Variants in CNKSR2 observed in about 807,000 individuals in gnomAD.
CNKSR2 encodes connector enhancer of kinase suppressor of Ras 2.
A neutral mutation model predicts 84.4 loss-of-function variants in CNKSR2; 14 were observed. That is an observed-to-expected ratio of 0.17 (90% CI 0.11 to 0.26). CNKSR2 has a LOEUF of 0.26. Among genes scored for constraint, CNKSR2 ranks in the 10% least tolerant of loss-of-function variants. The pLI, the probability that CNKSR2 is intolerant of heterozygous loss-of-function variation, is 1.00. For missense variants in CNKSR2, 485 were observed against 771.2 expected (o/e 0.63, Z 4.40); for synonymous variants, 275 against 277.9 (o/e 0.99, Z 0.10).
intron 1 of CNKSR2, among the ~76,000 whole-genome samples, chrX:21,392,928 G>A (rs766589396): frequency 1.8e-5 from 2 of 111,031 alleles, no homozygotes; most frequent in Admixed American, 9.6e-5. Context: ...CTTAATTCTT[G>A]TGCCTTTCTG....
At chrX:21,552,245 A>G (rs750524918) in intron 11 of CNKSR2, among the ~76,000 whole-genome samples, 1 of 111,756 alleles carries the variant, frequency 8.9e-6, no homozygotes, top group Non-Finnish European at 1.9e-5. Flanking sequence ...AAGATAGCCT[A>G]TGGAAGAAAG....
At chrX:21,398,974 C>G (rs1406842214) in intron 1 of CNKSR2, among the ~76,000 whole-genome samples, 2 of 109,761 alleles carry the variant, frequency 1.8e-5, no homozygotes, top group African/African-American at 3.3e-5. Context: ...GTTAACCACT[C>G]TCAACCTAGG....
At chrX:21,470,053 C>T (rs1035161038) in intron 4 of CNKSR2, among the ~76,000 whole-genome samples, 6 of 111,913 alleles carry the variant, frequency 5.4e-5, no homozygotes, top group Non-Finnish European at 9.4e-5. Context: ...CCAGTATGCC[C>T]GTTTTATAAA....
intron 7 of CNKSR2, among the ~76,000 whole-genome samples, chrX:21,501,145 A>G (rs979697325): frequency 1.8e-5 from 2 of 110,922 alleles, no homozygotes; most frequent in Non-Finnish European, 3.8e-5. Context: ...TACCCACTAG[A>G]GCCTAGGAGA....
At chrX:21,554,988 C>T (rs1198055927) in intron 11 of CNKSR2, among the ~76,000 whole-genome samples, 1 of 110,028 alleles carries the variant, frequency 9.1e-6, no homozygotes, top group East Asian at 2.8e-4. Context: ...TTTCCACAAC[C>T]TCACCAACAT....
intron 1 of CNKSR2, among the ~76,000 whole-genome samples, chrX:21,417,681 G>T (rs973366726): frequency 5.4e-5 from 6 of 111,243 alleles, no homozygotes; most frequent in African/African-American, 2.0e-4. Flanking sequence ...TATAGATTTT[G>T]TCTTGAAATC....
At chrX:21,429,081 T>C (rs1472787689) in intron 2 of CNKSR2, 5 of 112,289 alleles carry the variant, frequency 4.5e-5, no homozygotes, top group Non-Finnish European at 7.5e-5. Flanking sequence ...ACCTTATTTT[T>C]CTAAAATGTT....
At chrX:21,429,947 GATCA>G (rs1276556678) in intron 2 of CNKSR2, among the ~76,000 whole-genome samples, 1 of 111,450 alleles carries the variant, frequency 9.0e-6, no homozygotes, top group Non-Finnish European at 1.9e-5. Context: ...TAACTTGAGA[GATCA>G]ATTAATCTCT....
chrX:21,499,832 C>A (rs1174889171), intron 7 of CNKSR2, among the ~76,000 whole-genome samples: 1 of 110,278 alleles, frequency 9.1e-6, no homozygotes, highest in Admixed American at 9.7e-5. Context: ...TCTTTTAAAA[C>A]TAAAAATCTA....
At chrX:21,558,566 C>A (rs1357341734) in intron 11 of CNKSR2, among the ~76,000 whole-genome samples, 1 of 107,288 alleles carries the variant, frequency 9.3e-6, no homozygotes, top group Non-Finnish European at 1.9e-5. Context: ...AAAAAAAAGT[C>A]ACCCCCGGAA....
At chrX:21,443,231 A>G (rs1027752048) in intron 4 of CNKSR2, among the ~76,000 whole-genome samples, 1 of 111,801 alleles carries the variant, frequency 8.9e-6, no homozygotes, top group Non-Finnish European at 1.9e-5. Flanking sequence ...ATTTACAAAA[A>G]TGGGTAAGGA....
At chrX:21,447,189 G>C (rs2090866936) in intron 4 of CNKSR2, among the ~76,000 whole-genome samples, 1 of 111,218 alleles carries the variant, frequency 9.0e-6, no homozygotes, top group Admixed American at 9.6e-5. Context: ...CATTTTCACT[G>C]CATATAATAT....
intron 20 of CNKSR2, among the ~76,000 whole-genome samples, chrX:21,632,224 G>C (rs2092651149): frequency 9.0e-6 from 1 of 111,530 alleles, no homozygotes; most frequent in Admixed American, 9.5e-5. Flanking sequence ...AAATACAAAA[G>C]CTGCATTTGA....
chrX:21,469,688 A>G (rs1601829490), intron 4 of CNKSR2, among the ~76,000 whole-genome samples: 1 of 111,065 alleles, frequency 9.0e-6, no homozygotes, highest in East Asian at 2.8e-4. Flanking sequence ...AGGCGGGCAG[A>G]TCATCTGAGG....
At chrX:21,463,361 C>T (rs1400539322) in intron 4 of CNKSR2, among the ~76,000 whole-genome samples, 1 of 110,717 alleles carries the variant, frequency 9.0e-6, no homozygotes. Flanking sequence ...TTTGAGTGCT[C>T]CCTCCCCTGC....
chrX:21,627,523 G>T (rs1395677829), intron 20 of CNKSR2, among the ~76,000 whole-genome samples: 3 of 111,330 alleles, frequency 2.7e-5, no homozygotes, highest in African/African-American at 9.8e-5. Context: ...ACCTGAGACT[G>T]GGAAGAAAAA....
chrX:21,387,631 A>G (rs976718219), intron 1 of CNKSR2, among the ~76,000 whole-genome samples: 2 of 111,788 alleles, frequency 1.8e-5, no homozygotes, highest in Non-Finnish European at 3.8e-5. Flanking sequence ...TTTTTCTTCA[A>G]TCAGAACCCA....
chrX:21,461,936 C>CT (rs2091066213), intron 4 of CNKSR2, among the ~76,000 whole-genome samples: 1 of 112,008 alleles, frequency 8.9e-6, no homozygotes, highest in South Asian at 3.7e-4. Context: ...TTTAAATACT[C>CT]TATCTCAGTA....
At chrX:21,649,455 C>T (rs192840295) in intron 21 of CNKSR2, among the ~76,000 whole-genome samples, 1 of 112,572 alleles carries the variant, frequency 8.9e-6, no homozygotes, top group Non-Finnish European at 1.9e-5. Flanking sequence ...TTGTTTCCCG[C>T]ATGAACTGCA....
Sources: allele counts gnomAD v4.1 joint callset (sites outside exome capture counted in the v4.1 genomes callset), GRCh38; gene constraint gnomAD v4.1.1; transcripts MANE v1.5; gene names NCBI Gene and HGNC (gene_info 2026-07-23, HGNC 2026-07-21).